Variants in SORCS1 observed in about 807,000 individuals in gnomAD.
SORCS1 encodes the protein VPS10 domain-containing receptor SorCS1.
Under a neutral mutation model 146.1 loss-of-function variants are expected in SORCS1, and 60 were observed. The ratio of observed to expected loss-of-function variants is 0.41; its 90% confidence interval spans 0.33 to 0.51. The LOEUF is 0.51. Ranked by LOEUF, SORCS1 falls within the 20% of genes least tolerant of loss-of-function variation. The pLI, the probability that SORCS1 is intolerant of heterozygous loss-of-function variation, is 0.21. For synonymous variants in SORCS1, 637 were observed against 584.0 expected, an observed-to-expected ratio of 1.09 and a Z score of -1.31; for missense variants, 1,352 against 1,487.6, an observed-to-expected ratio of 0.91 and a Z score of 1.50.
chr10:106,867,581 C>A (rs1007917938), intron 2 of SORCS1, among the ~76,000 whole-genome samples: 1 of 152,180 alleles, frequency 6.6e-6, no homozygotes, highest in Admixed American at 6.5e-5. Context: ...CCGCACCCGG[C>A]CATATTCAAC....
intron 5 of SORCS1, among the ~76,000 whole-genome samples, chr10:106,744,196 C>T (rs1857556774): frequency 6.6e-6 from 1 of 152,166 alleles, no homozygotes; most frequent in African/African-American, 2.4e-5. Context: ...GCTCCACCTC[C>T]TGGGTTCACG....
In SORCS1 at chr10:106,724,182, A is replaced by G. The variant is rs546338815; in HGVS notation, c.1024+5868T>C. ...AGTTAATTTCCAACCCTTACAATTG[A>G]AAGTAATCTTGTAAGTTATAAGGTT... On this transcript the variant is annotated intron_variant, in intron 6 of 25. Transcript: ENST00000263054. Among the ~76,000 whole-genome samples, 122 of 152,312 alleles carry G rather than the reference A, an allele frequency of 8.0e-4. 2 individuals carry two copies. Among genetic ancestry groups the G allele is most frequent in the Middle Eastern group, 3.4e-3 (1 of 294 alleles).
At chr10:106,730,385 A>T (rs1172963179) in intron 5 of SORCS1, among the ~76,000 whole-genome samples, 2 of 152,232 alleles carry the variant, frequency 1.3e-5, no homozygotes, top group Admixed American at 6.5e-5. Flanking sequence ...TACAGGTCCT[A>T]CGCATGTTGG....
At chr10:106,641,841 T>A (rs1340130380) in intron 18 of SORCS1, among the ~76,000 whole-genome samples, 3 of 152,106 alleles carry the variant, frequency 2.0e-5, no homozygotes, top group Non-Finnish European at 2.9e-5. Context: ...TTATTTCCAA[T>A]GGATATAAGG....
chr10:106,596,425 G>A (rs2133308542), intron 24 of SORCS1, among the ~76,000 whole-genome samples: 1 of 152,264 alleles, frequency 6.6e-6, no homozygotes, highest in Admixed American at 6.5e-5. Flanking sequence ...CTGTTTCTAA[G>A]TGCTTGTATT....
chr10:107,140,977 A>G (rs1967780369), intron 1 of SORCS1, among the ~76,000 whole-genome samples: 1 of 152,236 alleles, frequency 6.6e-6, no homozygotes, highest in Non-Finnish European at 1.5e-5. Flanking sequence ...CAGTGTTTTG[A>G]ACCCTTTATG....
At chr10:106,834,407 C>G (rs1479977276) in intron 2 of SORCS1, among the ~76,000 whole-genome samples, 1 of 152,134 alleles carries the variant, frequency 6.6e-6, no homozygotes, top group Non-Finnish European at 1.5e-5. Flanking sequence ...CTATATTATT[C>G]TAATATACAT....
intron 1 of SORCS1, among the ~76,000 whole-genome samples, chr10:107,134,779 G>A (rs1023468447): frequency 6.6e-6 from 1 of 152,186 alleles, no homozygotes; most frequent in African/African-American, 2.4e-5. Context: ...TAGGGAACCC[G>A]GAAGGATTTT....
At chr10:106,794,501 CT>C (rs35647552) in intron 3 of SORCS1, among the ~76,000 whole-genome samples, 25,505 of 125,746 alleles carry the variant, frequency 0.2, 1,431 homozygotes, top group Non-Finnish European at 0.25. Context: ...TTTTCTTTTT[CT>C]TTTTTTTTTT....
chr10:106,941,486 G>A (rs1406451150), intron 2 of SORCS1, among the ~76,000 whole-genome samples: 2 of 152,178 alleles, frequency 1.3e-5, no homozygotes, highest in African/African-American at 2.4e-5. Flanking sequence ...CAAAGCCCAC[G>A]TGCTGACCCA....
rs760383967 is a variant in SORCS1, at chr10:106,960,303, C to G, written c.559-3723G>C. On this transcript the variant is annotated intron_variant, in intron 1 of 25. Coordinates refer to ENST00000263054, the MANE Select transcript of SORCS1 (RefSeq NM_052918.5). This position sits in a 1 kb window ranked among gnomAD's most constrained non-coding sequence, Gnocchi z 4.4. ...GCCAGTCTAGGACTTGCTGTCAGCA[C>G]ATGACATTTGTACTTCTTTCACTGT... Among the ~76,000 whole-genome samples the G allele has an allele frequency of 2.0e-5, 3 of 152,200 alleles. No homozygotes were observed. Among genetic ancestry groups the G allele is most frequent in the Non-Finnish European group, 4.4e-5 (3 of 68,036 alleles).
intron 1 of SORCS1, among the ~76,000 whole-genome samples, chr10:107,119,915 T>C (rs958234906): frequency 1.3e-5 from 2 of 152,092 alleles, no homozygotes; most frequent in Non-Finnish European, 2.9e-5. Flanking sequence ...TATGGAACTA[T>C]CCGTTTACAG....
intron 21 of SORCS1, among the ~76,000 whole-genome samples, chr10:106,612,809 G>C (rs1229914678): frequency 6.6e-6 from 1 of 152,038 alleles, no homozygotes. Flanking sequence ...CTAGTTCTAG[G>C]TTCTGCGCTC....
intron 1 of SORCS1, among the ~76,000 whole-genome samples, chr10:107,008,410 A>G (rs1564920079): frequency 6.6e-6 from 1 of 152,254 alleles, no homozygotes; most frequent in Non-Finnish European, 1.5e-5. Flanking sequence ...AATGTTATTT[A>G]AAAGAGCGTG....
intron 3 of SORCS1, among the ~76,000 whole-genome samples, chr10:106,806,039 G>A (rs1179696695): frequency 8.9e-5 from 11 of 123,352 alleles, no homozygotes; most frequent in African/African-American, 3.2e-4. Flanking sequence ...TAGCCTGGAC[G>A]ACAGAACTAG....
At chr10:107,058,007 T>C (rs990072384) in intron 1 of SORCS1, among the ~76,000 whole-genome samples, 2 of 152,156 alleles carry the variant, frequency 1.3e-5, no homozygotes, top group Admixed American at 6.5e-5. Flanking sequence ...TTTAAAGATA[T>C]GTAAGAGACC....
chr10:106,914,384 G>T (rs1952311414), intron 2 of SORCS1, among the ~76,000 whole-genome samples: 1 of 152,120 alleles, frequency 6.6e-6, no homozygotes, highest in Admixed American at 6.6e-5. Flanking sequence ...ATAAGTATGT[G>T]CGAGCAAAAA....
chr10:107,126,542 T>C (rs763288349), intron 1 of SORCS1, among the ~76,000 whole-genome samples: 19 of 152,182 alleles, frequency 1.2e-4, no homozygotes, highest in Admixed American at 3.3e-4. Flanking sequence ...TGAGATTCTG[T>C]ATTCCATTAG....
At chr10:107,108,351 G>A (rs971769802) in intron 1 of SORCS1, among the ~76,000 whole-genome samples, 1 of 152,210 alleles carries the variant, frequency 6.6e-6, no homozygotes, top group Non-Finnish European at 1.5e-5. Context: ...GCTGGCATCT[G>A]CTTGGCTTCT....
Sources: gnomAD v4.1 joint callset for allele counts (sites outside exome capture counted in the v4.1 genomes callset) on GRCh38, gnomAD v4.1.1 for gene constraint, Gnocchi (gnomAD v3.1) non-coding constraint, MANE v1.5 for transcripts, NCBI Gene and HGNC (gene_info 2026-07-23, HGNC 2026-07-21) for gene names.